RIGI: variants seen among roughly 807,000 people sequenced by gnomAD.
RIGI encodes the protein RNA sensor RIG-I.
chr9:32,482,233 T>C, the RIGI span, among the ~76,000 whole-genome samples: 1 of 152,028 alleles, frequency 6.6e-6, no homozygotes, highest in South Asian at 2.1e-4. Flanking sequence ...GTTTCTTGAG[T>C]ACTGTGTACC....
the RIGI span, among the ~76,000 whole-genome samples, chr9:32,516,678 A>T: frequency 6.6e-6 from 1 of 152,216 alleles, no homozygotes. Context: ...TTGCAGGTTA[A>T]ACCAGCCCAA....
chr9:32,494,184 G>C, the RIGI span, among the ~76,000 whole-genome samples: 1 of 152,110 alleles, frequency 6.6e-6, no homozygotes, highest in Non-Finnish European at 1.5e-5. Context: ...AAACTTTGAA[G>C]TCTTACATTT....
At chr9:32,525,192 A>G in the RIGI span, among the ~76,000 whole-genome samples, 2 of 152,148 alleles carry the variant, frequency 1.3e-5, no homozygotes, top group African/African-American at 4.8e-5. Flanking sequence ...GCCCTTGTCC[A>G]CTAGAGGCAA....
At chr9:32,494,272 A>G in the RIGI span, among the ~76,000 whole-genome samples, 1 of 152,298 alleles carries the variant, frequency 6.6e-6, no homozygotes, top group South Asian at 2.1e-4. Context: ...TTAAAAAGTC[A>G]GAGTCAACAG....
chr9:32,514,942 A>G, the RIGI span, among the ~76,000 whole-genome samples: 1 of 152,162 alleles, frequency 6.6e-6, no homozygotes, highest in East Asian at 1.9e-4. Context: ...ATATATAATA[A>G]TGTTTTCTTC....
the RIGI span, chr9:32,488,236 C>T: frequency 6.2e-7 from 1 of 1,603,734 alleles, no homozygotes; most frequent in Non-Finnish European, 8.5e-7. Flanking sequence ...TATTACTAAC[C>T]ACGATGTGGA....
the RIGI span, among the ~76,000 whole-genome samples, chr9:32,524,489 C>T: frequency 1.3e-5 from 2 of 151,518 alleles, no homozygotes; most frequent in Non-Finnish European, 2.9e-5. Context: ...AGTTAGTTGC[C>T]GGTCTTAACG....
At chr9:32,474,816 A>G in the RIGI span, among the ~76,000 whole-genome samples, 9 of 152,306 alleles carry the variant, frequency 5.9e-5, no homozygotes, top group East Asian at 1.7e-3. Flanking sequence ...ACTCAGTTTT[A>G]GGGTAATTGT....
the RIGI span, among the ~76,000 whole-genome samples, chr9:32,475,679 T>C: frequency 6.6e-6 from 1 of 152,144 alleles, no homozygotes; most frequent in African/African-American, 2.4e-5. Flanking sequence ...AAATTGACTG[T>C]AGACCTAAAT....
the RIGI span, among the ~76,000 whole-genome samples, chr9:32,508,239 A>ATT: frequency 0.047 from 3,284 of 70,382 alleles, 456 homozygotes; most frequent in Non-Finnish European, 0.063. Flanking sequence ...TATTTACTTA[A>ATT]TTTTTTTTTT....
At chr9:32,460,051 C>T in the RIGI span, among the ~76,000 whole-genome samples, 1 of 152,124 alleles carries the variant, frequency 6.6e-6, no homozygotes, top group African/African-American at 2.4e-5. Flanking sequence ...TCATGGGGGG[C>T]CAGTCTTTCC....
chr9:32,459,498 G>C, the RIGI span: 1 of 1,610,964 alleles, frequency 6.2e-7, no homozygotes, highest in Admixed American at 1.7e-5. Context: ...TTTTTCATGA[G>C]TCTGTATATG....
chr9:32,474,381 C>CCA, the RIGI span, among the ~76,000 whole-genome samples: 1 of 152,124 alleles, frequency 6.6e-6, no homozygotes, highest in Admixed American at 6.5e-5. Context: ...TCAATGATCT[C>CCA]CACCTTCTGT....
At chr9:32,475,364 T>TA in the RIGI span, among the ~76,000 whole-genome samples, 4 of 149,452 alleles carry the variant, frequency 2.7e-5, no homozygotes, top group Non-Finnish European at 3.0e-5. Context: ...AAACAACCTT[T>TA]AAAAAAAAAA....
chr9:32,491,522 C>G, the RIGI span: 1 of 907,382 alleles, frequency 1.1e-6, no homozygotes, highest in Non-Finnish European at 1.6e-6. Context: ...TTTTTAACTT[C>G]TATTAAAATT....
At chr9:32,487,680 T>A in the RIGI span, 1 of 1,597,152 alleles carries the variant, frequency 6.3e-7, no homozygotes, top group South Asian at 1.1e-5. Flanking sequence ...AATGGTACAA[T>A]GTTTCCACAA....
chr9:32,489,982 G>C, the RIGI span, among the ~76,000 whole-genome samples: 74 of 152,302 alleles, frequency 4.9e-4, no homozygotes, highest in African/African-American at 1.7e-3. Context: ...AAATCATTAA[G>C]AGCTAGCAAA....
chr9:32,518,851 A>C, the RIGI span, among the ~76,000 whole-genome samples: 1 of 152,186 alleles, frequency 6.6e-6, no homozygotes, highest in African/African-American at 2.4e-5. Flanking sequence ...CTGGGATTAT[A>C]GTTGTGTGCC....
chr9:32,513,553 C>T, the RIGI span, among the ~76,000 whole-genome samples: 1 of 152,160 alleles, frequency 6.6e-6, no homozygotes, highest in Non-Finnish European at 1.5e-5. Context: ...GGACCACTTC[C>T]TTACACCTTA....
Sources: allele counts gnomAD v4.1 joint callset (sites outside exome capture counted in the v4.1 genomes callset), GRCh38; gene constraint gnomAD v4.1.1; transcripts MANE v1.5; gene names NCBI Gene and HGNC (gene_info 2026-07-23, HGNC 2026-07-21).